The following CAMK4 variants were observed in gnomAD, a reference collection of about 807,000 sequenced individuals.
The protein encoded by CAMK4 is calcium/calmodulin dependent protein kinase IV.
A neutral mutation model predicts 44.9 loss-of-function variants in CAMK4; 22 were observed. The observed-to-expected ratio is 0.49, with a 90% confidence interval of 0.35 to 0.70. CAMK4 has a LOEUF of 0.70. CAMK4 is among the 30% of genes least tolerant of loss of function. CAMK4 has a pLI of 0.01. For missense variants in CAMK4, 498 were observed against 586.8 expected (o/e 0.85, Z 1.56); for synonymous variants, 218 against 215.4 (o/e 1.01, Z -0.11).
chr5:111,309,195 C>T (rs570750261), intron 1 of CAMK4, among the ~76,000 whole-genome samples: 1 of 152,198 alleles, frequency 6.6e-6, no homozygotes, highest in African/African-American at 2.4e-5. Flanking sequence ...TGCTTTGCAA[C>T]TTGAGACTAT....
intron 4 of CAMK4, among the ~76,000 whole-genome samples, chr5:111,377,332 T>C (rs1706724129): frequency 6.6e-6 from 1 of 152,274 alleles, no homozygotes. Flanking sequence ...TCCTCTGTTA[T>C]GATCCAAAAG....
At chr5:111,239,435 T>C (rs1748890146) in intron 1 of CAMK4, among the ~76,000 whole-genome samples, 1 of 152,196 alleles carries the variant, frequency 6.6e-6, no homozygotes, top group Non-Finnish European at 1.5e-5. Flanking sequence ...GGTTAATGAA[T>C]AGCTAACACA....
At position 111,484,042 on chromosome 5, in the gene CAMK4, T is replaced by TG; in HGVS notation, c.1000dup (p.Val334GlyfsTer23). 1 of 1,592,946 alleles carries TG rather than the reference T, an allele frequency of 6.3e-7. No homozygotes were observed. The highest frequency in any genetic ancestry group is 8.6e-7 in the Non-Finnish European group (1 of 1,169,398). On this transcript the variant is annotated frameshift_variant, in exon 11 of 11. Transcript: ENST00000282356. LOFTEE classifies it low-confidence loss of function (END_TRUNC). This position sits in a 1 kb window ranked among gnomAD's most constrained non-coding sequence, Gnocchi z 5.3. ...TCCAATCAGGCAGCGGTGAAGGCTGTGGTGGCCTCTTCGCGCCTGGGAAGT... is the reference window on the plus strand; with the variant it reads ...TCCAATCAGGCAGCGGTGAAGGCTGTGGGTGGCCTCTTCGCGCCTGGGAAGT...
At chr5:111,333,008 A>C (rs895123097) in intron 1 of CAMK4, among the ~76,000 whole-genome samples, 5 of 151,734 alleles carry the variant, frequency 3.3e-5, no homozygotes, top group African/African-American at 7.2e-5. Context: ...AGATATCAAC[A>C]TCATGTTCAG....
rs534015955 is a variant in CAMK4 at position 111,408,717 on chromosome 5, G to A, written c.459+13935G>A. ...CAAAGCAAGTCCCTTCTGCCTATGA[G>A]GCTATAAAATCAAAAGCAAGTTAGT... On this transcript the variant is annotated intron_variant, in intron 5 of 10. Transcript: ENST00000282356. Among the ~76,000 whole-genome samples the A allele has an allele frequency of 2.0e-5, 3 of 152,274 alleles. No individual in the cohort carries two copies. In the South Asian group the frequency reaches 6.2e-4, roughly 32 times the overall value.
In CAMK4 at chr5:111,487,712, A is replaced by C. The variant is rs750677924; in HGVS notation, c.*3246A>C. Reference sequence around the variant, plus strand: ...TAGGCCTTTGGGACATCAAGTGCTCAATAGTCACATGTGGCTAGTGGCTAC... The same window carrying C: ...TAGGCCTTTGGGACATCAAGTGCTCCATAGTCACATGTGGCTAGTGGCTAC... On this transcript the variant is annotated 3_prime_UTR_variant, in exon 11 of 11. Transcript: ENST00000282356. 1.3e-5 allele frequency: 2 copies of C among 152,186 alleles called. No individual in the cohort carries two copies. Among genetic ancestry groups the C allele is most frequent in the Non-Finnish European group, 2.9e-5 (2 of 68,036 alleles). 9.4% of individuals were successfully genotyped at this position (152,186 alleles called of 1,614,324 possible).
At chr5:111,226,403 A>T (rs937540308) in intron 1 of CAMK4, among the ~76,000 whole-genome samples, 39 of 152,200 alleles carry the variant, frequency 2.6e-4, no homozygotes, top group Non-Finnish European at 4.6e-4. Flanking sequence ...TGGAGGACAA[A>T]TATTAATCGG....
intron 1 of CAMK4, among the ~76,000 whole-genome samples, chr5:111,269,405 G>T (rs551114596): frequency 2.0e-5 from 3 of 152,160 alleles, no homozygotes; most frequent in Non-Finnish European, 2.9e-5. Flanking sequence ...ACATCTGGTT[G>T]TGTGGGGGAA....
At chr5:111,387,974 T>C (rs1208814476) in intron 4 of CAMK4, among the ~76,000 whole-genome samples, 1 of 152,248 alleles carries the variant, frequency 6.6e-6, no homozygotes, top group South Asian at 2.1e-4. Flanking sequence ...TTCATTGCTA[T>C]TGAACTTTTC....
chr5:111,368,896 G>A (rs1368182084), intron 2 of CAMK4, among the ~76,000 whole-genome samples: 2 of 151,752 alleles, frequency 1.3e-5, no homozygotes, highest in Non-Finnish European at 2.9e-5. Flanking sequence ...GCAGAAATGA[G>A]ACTATATTGA....
chr5:111,350,270 G>A (rs1750039620), intron 2 of CAMK4, among the ~76,000 whole-genome samples: 1 of 152,000 alleles, frequency 6.6e-6, no homozygotes. Flanking sequence ...ATTGCAATGT[G>A]TTCACACAGA....
intron 5 of CAMK4, among the ~76,000 whole-genome samples, chr5:111,426,029 A>G (rs73218003): frequency 0.017 from 2,621 of 152,334 alleles, 51 homozygotes; most frequent in African/African-American, 0.041. Context: ...CCTTGAAATC[A>G]TTAATATATC....
chr5:111,337,065 A>T (rs552347039), intron 1 of CAMK4, among the ~76,000 whole-genome samples: 70 of 151,312 alleles, frequency 4.6e-4, no homozygotes, highest in Non-Finnish European at 8.6e-4. Flanking sequence ...AACAGTCAAG[A>T]TATAAAATAG....
intron 5 of CAMK4, among the ~76,000 whole-genome samples, chr5:111,436,745 G>A (rs371635357): frequency 1.3e-5 from 2 of 152,078 alleles, no homozygotes; most frequent in African/African-American, 4.8e-5. Flanking sequence ...TGATTTTTAA[G>A]TCAACACATC....
At chr5:111,382,960 A>C (rs916712660) in intron 4 of CAMK4, among the ~76,000 whole-genome samples, 6 of 152,190 alleles carry the variant, frequency 3.9e-5, no homozygotes, top group African/African-American at 9.7e-5. Context: ...ATGTGGCTTT[A>C]TCTGGCTATA....
At chr5:111,481,064 GATTATAACC>G (rs914105872) in intron 9 of CAMK4, among the ~76,000 whole-genome samples, 1 of 152,170 alleles carries the variant, frequency 6.6e-6, no homozygotes, top group African/African-American at 2.4e-5. Flanking sequence ...CTTTGAGTGT[GATTATAACC>G]TTCAGAAAGT....
intron 1 of CAMK4, among the ~76,000 whole-genome samples, chr5:111,243,497 G>T (rs1324421180): frequency 1.3e-5 from 2 of 152,200 alleles, no homozygotes; most frequent in African/African-American, 4.8e-5. Context: ...CTAAAGTTTT[G>T]TCAAGCAAAG....
chr5:111,387,539 A>T (rs1190835925), intron 4 of CAMK4, among the ~76,000 whole-genome samples: 1 of 152,222 alleles, frequency 6.6e-6, no homozygotes. Flanking sequence ...TCTGGGAAGC[A>T]TCCACACAGC....
intron 1 of CAMK4, among the ~76,000 whole-genome samples, chr5:111,280,255 G>A (rs555469076): frequency 6.6e-6 from 1 of 151,848 alleles, no homozygotes; most frequent in South Asian, 2.1e-4. Context: ...AGGCTATAGT[G>A]ATAACATCTT....
Sources: allele counts gnomAD v4.1 joint callset (sites outside exome capture counted in the v4.1 genomes callset), GRCh38; gene constraint gnomAD v4.1.1; non-coding constraint Gnocchi (gnomAD v3.1); transcripts MANE v1.5; gene names NCBI Gene and HGNC (gene_info 2026-07-23, HGNC 2026-07-21).